CDKL4: variants seen among roughly 807,000 people sequenced by gnomAD.
The protein encoded by CDKL4 is cyclin dependent kinase like 4, also known as cyclin-dependent kinase-like 4.
In CDKL4, 44 loss-of-function variants were observed where a neutral mutation model predicts 42.0. The observed-to-expected ratio is 1.05, with a 90% CI of 0.82 to 1.35. The LOEUF (loss-of-function observed/expected upper bound fraction) is 1.35, where lower values mean the gene tolerates loss of function less well. Among genes scored for constraint, CDKL4 ranks in the 40% most tolerant of loss-of-function variants. The pLI is 0.00. For missense variants in CDKL4, 393 were observed against 369.9 expected, an observed-to-expected ratio of 1.06 and a Z score of -0.51; for synonymous variants, 120 against 121.6, an observed-to-expected ratio of 0.99 and a Z score of 0.09.
At chr2:39,199,577 C>T (rs944970499) in intron 5 of CDKL4, among the ~76,000 whole-genome samples, 1 of 152,002 alleles carries the variant, frequency 6.6e-6, no homozygotes. Context: ...AACATAGATG[C>T]AAAAATCCTC....
chr2:39,199,371 C>G (rs1478897668), intron 5 of CDKL4, among the ~76,000 whole-genome samples: 2 of 151,902 alleles, frequency 1.3e-5, no homozygotes, highest in Non-Finnish European at 2.9e-5. Flanking sequence ...GAAAAAAAGT[C>G]CAAGACCAGA....
chr2:39,205,135 A>G (rs1677083120), intron 4 of CDKL4, among the ~76,000 whole-genome samples: 1 of 152,160 alleles, frequency 6.6e-6, no homozygotes. Flanking sequence ...AGCTATGATC[A>G]CACTGCACAG....
At chr2:39,175,062 T>C (rs1291404461), downstream of CDKL4, among the ~76,000 whole-genome samples, 1 of 152,052 alleles carries the variant, frequency 6.6e-6, no homozygotes, top group Non-Finnish European at 1.5e-5. Context: ...GTAAGAGATA[T>C]GAAATAATAT....
intron 4 of CDKL4, among the ~76,000 whole-genome samples, chr2:39,204,838 T>C (rs1677067091): frequency 6.6e-6 from 1 of 152,072 alleles, no homozygotes; most frequent in African/African-American, 2.4e-5. Flanking sequence ...ATTGAAAAAA[T>C]TGAAATTATA....
At chr2:39,203,178 T>G (rs553728122) in intron 5 of CDKL4, among the ~76,000 whole-genome samples, 1 of 152,214 alleles carries the variant, frequency 6.6e-6, no homozygotes, top group South Asian at 2.1e-4. Context: ...ACTTGCATAT[T>G]CAGCTCAGAA....
chr2:39,219,203 C>G (rs983478151), intron 3 of CDKL4, among the ~76,000 whole-genome samples: 3 of 152,206 alleles, frequency 2.0e-5, no homozygotes, highest in Non-Finnish European at 4.4e-5. Flanking sequence ...AAATCTCTTT[C>G]TCTCTGAACT....
chr2:39,188,163 C>T (rs1484991409), intron 6 of CDKL4, among the ~76,000 whole-genome samples: 1 of 152,148 alleles, frequency 6.6e-6, no homozygotes, highest in Non-Finnish European at 1.5e-5. Flanking sequence ...TGATTGTTCC[C>T]TCCAGAGATG....
At chr2:39,190,372 C>T (rs1341102846) in exon 6 of CDKL4, 5 of 1,614,178 alleles carry the variant, frequency 3.1e-6, no homozygotes, top group East Asian at 2.2e-5. Flanking sequence ...GCTGGCCTGT[C>T]AGGAGCTCTG....
intron 4 of CDKL4, among the ~76,000 whole-genome samples, chr2:39,211,083 C>T (rs1677559088): frequency 6.6e-6 from 1 of 152,158 alleles, no homozygotes; most frequent in Admixed American, 6.5e-5. Flanking sequence ...TGTCTAGGCA[C>T]CAACTCAAAA....
At chr2:39,168,511 G>A in the CDKL4 span, among the ~76,000 whole-genome samples, 4 of 152,084 alleles carry the variant, frequency 2.6e-5, no homozygotes, top group Non-Finnish European at 4.4e-5. Context: ...TGAGGCGGGT[G>A]GATCACCCAA....
rs1676101634 is a variant in CDKL4, at chr2:39,190,286, C to G, written c.652+19G>C. The G allele has an allele frequency of 3.8e-6, 6 of 1,593,336 alleles. No homozygotes were observed. The South Asian group carries it at 6.6e-5, about 18-fold the overall frequency. On this transcript the variant is annotated intron_variant, in intron 6 of 9. Transcript: ENST00000451199. ...TATAACAATTCAGCAACTCTGTTGCCATAAAATGCAATTCATACCTAGTGT... is the reference window on the plus strand; with the variant it reads ...TATAACAATTCAGCAACTCTGTTGCGATAAAATGCAATTCATACCTAGTGT...
upstream of CDKL4, among the ~76,000 whole-genome samples, chr2:39,244,531 T>C (rs1679825168): frequency 6.6e-6 from 1 of 152,226 alleles, no homozygotes; most frequent in Non-Finnish European, 1.5e-5. Context: ...GCTTGGGACC[T>C]GCAGCCCGCC....
chr2:39,207,631 T>C (rs1394818689), intron 4 of CDKL4, among the ~76,000 whole-genome samples: 2 of 152,232 alleles, frequency 1.3e-5, no homozygotes, highest in Non-Finnish European at 2.9e-5. Flanking sequence ...ATACATATGT[T>C]TTCTGCATCT....
intron 3 of CDKL4, among the ~76,000 whole-genome samples, chr2:39,222,925 TTAAC>T (rs1168432782): frequency 1.3e-5 from 2 of 152,170 alleles, no homozygotes; most frequent in Non-Finnish European, 2.9e-5. Context: ...AGGATAAAGT[TTAAC>T]TATGAATTAA....
chr2:39,211,374 C>G (rs186875542), intron 4 of CDKL4, among the ~76,000 whole-genome samples: 2 of 152,030 alleles, frequency 1.3e-5, no homozygotes, highest in Admixed American at 1.3e-4. Flanking sequence ...GGCAGTAGAG[C>G]GAGACTGTCC....
intron 8 of CDKL4, among the ~76,000 whole-genome samples, chr2:39,182,459 C>A (rs1376336495): frequency 6.6e-6 from 1 of 152,222 alleles, no homozygotes; most frequent in Non-Finnish European, 1.5e-5. Context: ...AATTCTGAAG[C>A]ATTGAGATGA....
At chr2:39,230,981 A>G (rs921526024) in intron 1 of CDKL4, among the ~76,000 whole-genome samples, 2 of 152,156 alleles carry the variant, frequency 1.3e-5, no homozygotes, top group Non-Finnish European at 2.9e-5. Flanking sequence ...AGGTCGAGGC[A>G]GGTGGATCAC....
At chr2:39,224,745 C>G (rs1678589320) in intron 3 of CDKL4, among the ~76,000 whole-genome samples, 2 of 152,078 alleles carry the variant, frequency 1.3e-5, no homozygotes, top group African/African-American at 4.8e-5. Context: ...TTCAAGTGAT[C>G]CACCTGCCTC....
At chr2:39,222,568 C>T (rs547720680) in intron 3 of CDKL4, among the ~76,000 whole-genome samples, 6 of 151,782 alleles carry the variant, frequency 4.0e-5, no homozygotes, top group South Asian at 4.2e-4. Flanking sequence ...CCAGCCTGGG[C>T]GACAGTGTGA....
Sources: gnomAD v4.1 joint callset for allele counts (sites outside exome capture counted in the v4.1 genomes callset) on GRCh38, gnomAD v4.1.1 for gene constraint, MANE v1.5 for transcripts, NCBI Gene and HGNC (gene_info 2026-07-23, HGNC 2026-07-21) for gene names.